TPRG1: variants seen among roughly 807,000 people sequenced by gnomAD.
TPRG1 encodes the protein tumor protein p63-regulated gene 1 protein.
In TPRG1, 29 loss-of-function variants were observed where a neutral mutation model predicts 29.3. The observed-to-expected ratio is 0.99, with a 90% confidence interval of 0.74 to 1.35. The LOEUF (loss-of-function observed/expected upper bound fraction) is 1.35. TPRG1 is among the 40% of genes most tolerant of loss of function. The pLI is 0.00. For missense variants in TPRG1, 327 were observed against 335.0 expected (o/e 0.98, Z 0.19); for synonymous variants, 130 against 116.8 (o/e 1.11, Z -0.73).
Position 189,207,390 on chromosome 3 carries a change from A to C in TPRG1, c.6A>C (p.Ser2=), listed in dbSNP as rs745421067. 10 of 1,613,878 alleles carry C rather than the reference A, an allele frequency of 6.2e-6. No individual in the cohort carries two copies. The highest frequency in any genetic ancestry group is 8.5e-6 in the Non-Finnish European group (10 of 1,179,934). Residue 2 remains serine (S), a synonymous_variant, in exon 2 of 6, where the codon TCA becomes TCC. Transcript: ENST00000345063. ...CCTTGGTTTAGGCTGAAGAAATGTC[A>C]ACAATTGGGAGTTTTGAAGGATTCC... The part of the protein sequence containing the change: M[S]TIGSFEGFQA...
intron 4 of TPRG1, among the ~76,000 whole-genome samples, chr3:189,049,665 C>T (rs1008615966): frequency 1.3e-5 from 2 of 152,268 alleles, no homozygotes; most frequent in African/African-American, 2.4e-5. Context: ...TTCTGGAAAG[C>T]GCCACCTCCT....
At chr3:189,021,279 G>A (rs932203024) in intron 3 of TPRG1, among the ~76,000 whole-genome samples, 3 of 150,854 alleles carry the variant, frequency 2.0e-5, no homozygotes, top group African/African-American at 7.3e-5. Flanking sequence ...TCATTATGAT[G>A]TTAGCTGGTT....
chr3:189,010,893 G>A (rs1399887232), intron 3 of TPRG1, among the ~76,000 whole-genome samples: 1 of 152,008 alleles, frequency 6.6e-6, no homozygotes, highest in African/African-American at 2.4e-5. Context: ...TATAGTTTTG[G>A]GTTTTACATT....
intron 4 of TPRG1, among the ~76,000 whole-genome samples, chr3:189,274,655 G>A (rs1715792239): frequency 6.6e-6 from 1 of 151,954 alleles, no homozygotes; most frequent in Non-Finnish European, 1.5e-5. Context: ...TTTGACCACT[G>A]ATTCAAATTT....
chr3:189,265,658 G>C (rs1254279807), intron 4 of TPRG1, among the ~76,000 whole-genome samples: 1 of 152,078 alleles, frequency 6.6e-6, no homozygotes, highest in Non-Finnish European at 1.5e-5. Context: ...AGAATAAATG[G>C]GACTGCTTAA....
At chr3:189,023,261 G>C (rs1713468369) in intron 3 of TPRG1, among the ~76,000 whole-genome samples, 1 of 152,138 alleles carries the variant, frequency 6.6e-6, no homozygotes, top group Non-Finnish European at 1.5e-5. Context: ...CCCGAGCTCT[G>C]AGATTCTTTA....
In TPRG1 at chr3:189,321,384, A is replaced by G. The variant is rs927439905; in HGVS notation, c.*564A>G. 6.6e-6 allele frequency: 1 copy of G among 151,992 alleles called. No homozygotes were observed. Among genetic ancestry groups the G allele is most frequent in the African/African-American group, 2.4e-5 (1 of 41,388 alleles). The allele number at this position is 151,992 out of a possible 1,614,324, so 9.4% of individuals were successfully genotyped here. ...TTGAGCATTATCAAAATCCTGTGGT[A>G]TTTATATGGTCCCAGTTATCCATCC... On this transcript the variant is annotated 3_prime_UTR_variant, in exon 6 of 6. Coordinates refer to ENST00000345063, the MANE Select transcript of TPRG1 (RefSeq NM_198485.4).
intron 4 of TPRG1, among the ~76,000 whole-genome samples, chr3:189,251,798 G>A (rs1032647154): frequency 1.3e-5 from 2 of 152,144 alleles, no homozygotes; most frequent in Non-Finnish European, 2.9e-5. Flanking sequence ...ACATACAATC[G>A]GGTTTTATAC....
intron 1 of TPRG1, among the ~76,000 whole-genome samples, chr3:189,125,812 T>TG: frequency 1.6e-5 from 2 of 126,266 alleles, no homozygotes; most frequent in African/African-American, 3.2e-5. Flanking sequence ...TGCAGGGTGT[T>TG]TTGTGTGTGT....
intron 4 of TPRG1, among the ~76,000 whole-genome samples, chr3:189,240,098 C>T (rs1007597810): frequency 1.3e-5 from 2 of 152,054 alleles, no homozygotes; most frequent in Admixed American, 6.6e-5. Context: ...GAAAAAAGCA[C>T]GAGTTCATCA....
rs540166736 is a variant in TPRG1 at position 189,218,286 on chromosome 3, T to TG, written c.302+2904dup. On this transcript the variant is annotated intron_variant, in intron 3 of 5. Transcript: ENST00000345063. ...CCGCCACCACACCCAGCTAATTTTT[T>TG]GTTTTTTTTTTAGTAGAGATAGGAT... Among the ~76,000 whole-genome samples the TG allele has an allele frequency of 2.6e-3, 394 of 152,078 alleles. 1 individual carries two copies. The highest frequency in any genetic ancestry group is 9.1e-3 in the African/African-American group (376 of 41,490).
chr3:189,259,263 C>T (rs1712523348), intron 4 of TPRG1, among the ~76,000 whole-genome samples: 1 of 151,888 alleles, frequency 6.6e-6, no homozygotes, highest in Non-Finnish European at 1.5e-5. Flanking sequence ...AGTTCCCTGA[C>T]CCCTTGGGCT....
In TPRG1 at chr3:189,033,260, C is replaced by T. The variant is rs531100331; in HGVS notation, c.-463+9314C>T. Among the ~76,000 whole-genome samples the T allele has an allele frequency of 1.7e-4, 25 of 151,388 alleles. No homozygotes were observed. The South Asian group carries it at 2.5e-3, about 15-fold the overall frequency. On this transcript the variant is annotated intron_variant, in intron 4 of 10. Coordinates refer to the TPRG1 transcript ENST00000433971. ...GGAGATTGGCTATTGAGAACAGCTA[C>T]GCAGAGTCATTATTCCTTTTTTTTT...
chr3:189,118,045 C>T (rs1326436021), intron 1 of TPRG1, among the ~76,000 whole-genome samples: 1 of 152,114 alleles, frequency 6.6e-6, no homozygotes, highest in African/African-American at 2.4e-5. Context: ...TTTGAGACTT[C>T]CTAGAGACTT....
intron 4 of TPRG1, among the ~76,000 whole-genome samples, chr3:189,064,382 A>G (rs573994574): frequency 6.6e-6 from 1 of 152,180 alleles, no homozygotes; most frequent in African/African-American, 2.4e-5. Flanking sequence ...TGAGAACTGC[A>G]AAGTTGGAGC....
chr3:189,172,543 A>T (rs1362157467), intron 1 of TPRG1, among the ~76,000 whole-genome samples: 1 of 152,188 alleles, frequency 6.6e-6, no homozygotes, highest in Non-Finnish European at 1.5e-5. Flanking sequence ...TCTATTATAG[A>T]ACCCAGCAGG....
chr3:189,285,791 C>G (rs1560651832), intron 4 of TPRG1, among the ~76,000 whole-genome samples: 1 of 152,200 alleles, frequency 6.6e-6, no homozygotes, highest in Non-Finnish European at 1.5e-5. Flanking sequence ...CTCAAGTCTC[C>G]TGACTCCAAA....
At chr3:189,254,797 G>A (rs983189195) in intron 4 of TPRG1, among the ~76,000 whole-genome samples, 3 of 152,102 alleles carry the variant, frequency 2.0e-5, no homozygotes, top group African/African-American at 7.2e-5. Flanking sequence ...GTGATTCAGA[G>A]TTTGCTCATG....
chr3:189,255,222 T>G (rs1711622392), intron 4 of TPRG1, among the ~76,000 whole-genome samples: 1 of 152,226 alleles, frequency 6.6e-6, no homozygotes, highest in African/African-American at 2.4e-5. Flanking sequence ...ATCGAGTGTT[T>G]TTAGCATGAA....
Sources: allele counts gnomAD v4.1 joint callset (sites outside exome capture counted in the v4.1 genomes callset), GRCh38; gene constraint gnomAD v4.1.1; transcripts MANE v1.5; gene names NCBI Gene and HGNC (gene_info 2026-07-23, HGNC 2026-07-21).